Variants in SIX4 observed in about 807,000 individuals in gnomAD.
SIX4 encodes homeobox protein SIX4.
A neutral mutation model predicts 51.5 loss-of-function variants in SIX4; 23 were observed. The ratio of observed to expected loss-of-function variants is 0.45; its 90% CI spans 0.32 to 0.63. SIX4 has a LOEUF of 0.63. Among genes scored for constraint, SIX4 ranks in the 30% least tolerant of loss-of-function variants. The pLI is 0.04. For synonymous variants in SIX4, 413 were observed against 417.3 expected, an observed-to-expected ratio of 0.99 and a Z score of 0.13; for missense variants, 867 against 984.0, an observed-to-expected ratio of 0.88 and a Z score of 1.59.
At position 60,724,109 on chromosome 14, in the gene SIX4, C is replaced by T. The variant is rs1201307943; in HGVS notation, c.-35G>A. 1 of 1,591,164 alleles carries T rather than the reference C, an allele frequency of 6.3e-7. No homozygotes were observed. Among genetic ancestry groups the T allele is most frequent in the Non-Finnish European group, 8.6e-7 (1 of 1,167,246 alleles). ...TTTATTTTCCTCCCTCCCTCACTCC[C>T]TCGCACTCTTTTCCTCTTTCTTTCC... On this transcript the variant is annotated 5_prime_UTR_variant, in exon 1 of 3. Coordinates refer to ENST00000216513, the MANE Select transcript of SIX4 (RefSeq NM_017420.5).
chr14:60,724,113 C>G lies in SIX4; in HGVS notation c.-39G>C, dbSNP rs977585834. ...TTTTCCTCCCTCCCTCACTCCCTCG[C>G]ACTCTTTTCCTCTTTCTTTCCTCCT... On this transcript the variant is annotated 5_prime_UTR_variant, in exon 1 of 3. Transcript: ENST00000216513. 3 of 1,593,154 alleles carry G rather than the reference C, an allele frequency of 1.9e-6. No individual in the cohort carries two copies. Among genetic ancestry groups the G allele is most frequent in the African/African-American group, 2.7e-5 (2 of 74,536 alleles).
In SIX4 at chr14:60,720,972, T is replaced by G. The variant is rs1896008894; in HGVS notation, c.864-527A>C. On this transcript the variant is annotated intron_variant, in intron 1 of 2. Transcript: ENST00000216513. This position sits in a 1 kb window ranked among gnomAD's most constrained non-coding sequence, Gnocchi z 5.5. Reference sequence around the variant, plus strand: ...GGTCAGTTAGTTAACAAGAGATCGTTTTCTCACCTGCTCCCAAACTTCTAC... The same window carrying G: ...GGTCAGTTAGTTAACAAGAGATCGTGTTCTCACCTGCTCCCAAACTTCTAC... 1.0e-6 allele frequency: 1 copy of G among 986,314 alleles called. No individual in the cohort carries two copies. Among genetic ancestry groups the G allele is most frequent in the East Asian group, 1.1e-4 (1 of 8,820 alleles). The allele number at this position is 986,314 out of a possible 1,614,324, so 61.1% of individuals were successfully genotyped here.
chr14:60,722,942 G>C lies in SIX4; in HGVS notation c.863+270C>G. 1 of 511,572 alleles carries C rather than the reference G, an allele frequency of 2.0e-6. No individual in the cohort carries two copies. Among genetic ancestry groups the C allele is most frequent in the Non-Finnish European group, 3.3e-6 (1 of 300,128 alleles). The allele number at this position is 511,572 out of a possible 1,614,324, so 31.7% of individuals were successfully genotyped here. The stretch of plus-strand genomic sequence containing the variant: ...GGAAGCTGGGCAGCAGTGACCAGCC[G>C]AGGTGGGGGCGGGGACTGAGACCTA... On this transcript the variant is annotated intron_variant, in intron 1 of 2. Transcript: ENST00000216513. The surrounding 1 kb of genome is among the most constrained non-coding windows in gnomAD (Gnocchi z 5.9).
chr14:60,723,967 C>A lies in SIX4; in HGVS notation c.108G>T (p.Ala36=), dbSNP rs1003720379. Residue 36 remains alanine (A), a synonymous_variant, in exon 1 of 3, where the codon GCG becomes GCT. Coordinates refer to ENST00000216513, the MANE Select transcript of SIX4 (RefSeq NM_017420.5). ...SEGQEAHREV[A]GGAAVGLSPP... ...GGCTCAGCCCTACCGCCGCGCCCCC[C>A]GCCACTTCTCGGTGCGCCTCCTGCC... is the stretch of plus-strand genomic sequence containing the variant. 3.3e-6 allele frequency: 5 copies of A among 1,511,342 alleles called. No homozygotes were observed. Among genetic ancestry groups the A allele is most frequent in the Non-Finnish European group, 4.4e-6 (5 of 1,134,788 alleles). The allele number at this position is 1,511,342 out of a possible 1,614,324, so 93.6% of individuals were successfully genotyped here.
At position 60,713,167 on chromosome 14, in the gene SIX4, G is replaced by C; in HGVS notation, c.*240C>G. 1 of 407,136 alleles carries C rather than the reference G, an allele frequency of 2.5e-6. No individual in the cohort carries two copies. The highest frequency in any genetic ancestry group is 4.3e-6 in the Non-Finnish European group (1 of 231,294). 25.2% of individuals were successfully genotyped at this position (407,136 alleles called of 1,614,324 possible). ...ACTTTGACTTGATACATTTCACCTT[G>C]TCCTTTGTCTCCATCTATTTAAAAG... On this transcript the variant is annotated 3_prime_UTR_variant, in exon 3 of 3. Transcript: ENST00000216513.
At position 60,722,471 on chromosome 14, in the gene SIX4, C is replaced by T. The variant is rs1468650086; in HGVS notation, c.863+741G>A. Among the ~76,000 whole-genome samples, 1 of 152,136 alleles carries T rather than the reference C, an allele frequency of 6.6e-6. No individual in the cohort carries two copies. Among genetic ancestry groups the T allele is most frequent in the East Asian group, 1.9e-4 (1 of 5,160 alleles). ...GAAGCAGCCCTTCAGCCCTGCTACC[C>T]CGGCTGCGCTGAAACCCGATCCTAA... On this transcript the variant is annotated intron_variant, in intron 1 of 2. Transcript: ENST00000216513. The surrounding 1 kb of genome is among the most constrained non-coding windows in gnomAD (Gnocchi z 5.9).
Position 60,720,484 on chromosome 14 carries a change from G to A in SIX4, c.864-39C>T, listed in dbSNP as rs1164405531. ...GAAATCAAAATGTTCAGAAGGTCAGGGGGATGACATTCTACACAGTGCCAC... is the reference window on the plus strand; with the variant it reads ...GAAATCAAAATGTTCAGAAGGTCAGAGGGATGACATTCTACACAGTGCCAC... On this transcript the variant is annotated intron_variant, in intron 1 of 2. Coordinates refer to ENST00000216513, the MANE Select transcript of SIX4 (RefSeq NM_017420.5). The surrounding 1 kb of genome is among the most constrained non-coding windows in gnomAD (Gnocchi z 5.5). The A allele has an allele frequency of 1.3e-6, 2 of 1,568,468 alleles. No homozygotes were observed. The highest frequency in any genetic ancestry group is 2.7e-5 in the African/African-American group (2 of 73,748).
rs1175120301 is a variant in SIX4, at chr14:60,717,732, A to G, written c.1549+2028T>C. On this transcript the variant is annotated intron_variant, in intron 2 of 2. Transcript: ENST00000216513. This position sits in a 1 kb window ranked among gnomAD's most constrained non-coding sequence, Gnocchi z 4.6. Reference sequence around the variant, plus strand: ...GCATTACTTTGTAATGATAAGAAAAAAATCAGGCCAGGCGCTGTGGCTCAT... The same window carrying G: ...GCATTACTTTGTAATGATAAGAAAAGAATCAGGCCAGGCGCTGTGGCTCAT... 6.6e-6 allele frequency among the ~76,000 whole-genome samples: 1 copy of G among 152,138 alleles called. No individual in the cohort carries two copies. Among genetic ancestry groups the G allele is most frequent in the African/African-American group, 2.4e-5 (1 of 41,440 alleles).
chr14:60,715,702 C>A (rs550331354), intron 2 of SIX4, among the ~76,000 whole-genome samples: 1 of 152,106 alleles, frequency 6.6e-6, no homozygotes, highest in Non-Finnish European at 1.5e-5. Context: ...GAATTAGACC[C>A]CCCACTACCA....
rs1467680057 is a variant in SIX4 at position 60,713,178 on chromosome 14, C to A, written c.*229G>T. 2.3e-6 allele frequency: 1 copy of A among 436,180 alleles called. No homozygotes were observed. Among genetic ancestry groups the A allele is most frequent in the Non-Finnish European group, 4.0e-6 (1 of 249,718 alleles). The allele number at this position is 436,180 out of a possible 1,614,324, so 27.0% of individuals were successfully genotyped here. A position where few individuals can be genotyped will look rare whatever the true frequency, so the allele number is the denominator to read the frequency against. On this transcript the variant is annotated 3_prime_UTR_variant, in exon 3 of 3. Transcript: ENST00000216513. ...ATACATTTCACCTTGTCCTTTGTCT[C>A]CATCTATTTAAAAGAGAAATTTATA...
Position 60,713,648 on chromosome 14 carries a change from G to A in SIX4, c.2105C>T (p.Ala702Val). ...TTCTTGGACAAAATCCTGATGTACT[G>A]CTGGGGAGGGGTGACCTACCTGATC... is the stretch of plus-strand genomic sequence containing the variant. The part of the protein sequence containing the change: ...AEDQVGHPSP[A>V]VHQDFVQEHR... The change falls in exon 3 of 3, where the codon GCA becomes GTA. Residue 702 changes from alanine to valine, a missense_variant. Transcript: ENST00000216513. The A allele has an allele frequency of 1.2e-6, 2 of 1,614,240 alleles. No homozygotes were observed. Among genetic ancestry groups the A allele is most frequent in the Non-Finnish European group, 1.7e-6 (2 of 1,180,038 alleles).
rs1189072024 is a variant in SIX4 at position 60,722,896 on chromosome 14, A to G, written c.863+316T>C. On this transcript the variant is annotated intron_variant, in intron 1 of 2. Coordinates refer to ENST00000216513, the MANE Select transcript of SIX4 (RefSeq NM_017420.5). This position sits in a 1 kb window ranked among gnomAD's most constrained non-coding sequence, Gnocchi z 5.9. ...GAAACGGGGAGAGGGTGGCAACTTC[A>G]AAGCCAGCGGGATGGGGGTGGGAAG... Among the ~76,000 whole-genome samples the G allele has an allele frequency of 6.6e-6, 1 of 151,046 alleles. No individual in the cohort carries two copies. Among genetic ancestry groups the G allele is most frequent in the Non-Finnish European group, 1.5e-5 (1 of 67,630 alleles).
Position 60,714,205 on chromosome 14 carries a change from T to TA in SIX4, c.1550-3dup, listed in dbSNP as rs35020088. 8.8e-5 allele frequency: 138 copies of TA among 1,559,466 alleles called. No individual in the cohort carries two copies. The East Asian group carries it at 2.0e-3, about 23-fold the overall frequency. On this transcript the variant is annotated splice_region_variant and splice_polypyrimidine_tract_variant and intron_variant, in intron 2 of 2. Coordinates refer to ENST00000216513, the MANE Select transcript of SIX4 (RefSeq NM_017420.5). The stretch of plus-strand genomic sequence containing the variant: ...TGCTTGAGCTTACTGAGATATTACC[T>TA]AAAAAAAATAAAGTACTGATTATCA...
Position 60,719,730 on chromosome 14 carries a change from G to A in SIX4, c.1549+30C>T. On this transcript the variant is annotated intron_variant, in intron 2 of 2. Transcript: ENST00000216513. The surrounding 1 kb of genome is among the most constrained non-coding windows in gnomAD (Gnocchi z 4.9). ...CAGCAGCTGATGAACACATTTGCTG[G>A]TGCATTAAGGTACCAAATGAGATTG... 6.3e-7 allele frequency: 1 copy of A among 1,597,168 alleles called. No individual in the cohort carries two copies. Among genetic ancestry groups the A allele is most frequent in the Non-Finnish European group, 8.6e-7 (1 of 1,168,960 alleles).
At chr14:60,721,953 C>T (rs1896028311) in intron 1 of SIX4, among the ~76,000 whole-genome samples, 1 of 152,242 alleles carries the variant, frequency 6.6e-6, no homozygotes, top group Non-Finnish European at 1.5e-5. Context: ...GCCTCCCTCC[C>T]AGCCTTGGGC....
chr14:60,717,814 C>T lies in SIX4; in HGVS notation c.1549+1946G>A, dbSNP rs1368977292. On this transcript the variant is annotated intron_variant, in intron 2 of 2. Transcript: ENST00000216513. This position sits in a 1 kb window ranked among gnomAD's most constrained non-coding sequence, Gnocchi z 4.6. ...GTGAGCAGATCACAGGAGTTCAAGA[C>T]CAGCCTGGCCAACATAGCAAAACCC... Among the ~76,000 whole-genome samples, 1 of 151,966 alleles carries T rather than the reference C, an allele frequency of 6.6e-6. No individual in the cohort carries two copies. Among genetic ancestry groups the T allele is most frequent in the Non-Finnish European group, 1.5e-5 (1 of 67,974 alleles).
intron 2 of SIX4, 138 bp from the exon 3 acceptor site, chr14:60,714,341 C>A: frequency 1.4e-6 from 1 of 725,728 alleles, no homozygotes; most frequent in South Asian, 2.4e-5. Context: ...AATTCTGGTT[C>A]AGAATTACCT....
chr14:60,723,346 C>T lies in SIX4; in HGVS notation c.729G>A (p.Lys243=). ...KSRNALKELY[K]QNRYPSPAEK... ...CGGCGGGCGAAGGGTAGCGATTCTGCTTGTAGAGCTCCTTGAGCGCGTTGC... is the reference window on the plus strand; with the variant it reads ...CGGCGGGCGAAGGGTAGCGATTCTGTTTGTAGAGCTCCTTGAGCGCGTTGC... Residue 243 remains lysine, a synonymous_variant, in exon 1 of 3, where the codon AAG becomes AAA. Coordinates refer to ENST00000216513, the MANE Select transcript of SIX4 (RefSeq NM_017420.5). 2 of 1,612,298 alleles carry T rather than the reference C, an allele frequency of 1.2e-6. No homozygotes were observed. The highest frequency in any genetic ancestry group is 1.7e-5 in the Admixed American group (1 of 59,986).
chr14:60,724,080 G>A lies in SIX4; in HGVS notation c.-6C>T, dbSNP rs371651828. ...GTGGGGGAGGAAGAGGACATTTTTT[G>A]TTGTTTATTTTCCTCCCTCCCTCAC... On this transcript the variant is annotated 5_prime_UTR_variant, in exon 1 of 3. Coordinates refer to ENST00000216513, the MANE Select transcript of SIX4 (RefSeq NM_017420.5). The A allele has an allele frequency of 6.5e-7, 1 of 1,550,288 alleles. No individual in the cohort carries two copies. Among genetic ancestry groups the A allele is most frequent in the African/African-American group, 1.4e-5 (1 of 72,774 alleles).
Sources: gnomAD v4.1 joint callset for allele counts (sites outside exome capture counted in the v4.1 genomes callset) on GRCh38, gnomAD v4.1.1 for gene constraint, Gnocchi (gnomAD v3.1) non-coding constraint, MANE v1.5 for transcripts, NCBI Gene and HGNC (gene_info 2026-07-23, HGNC 2026-07-21) for gene names.